CLVS1: variants seen among roughly 807,000 people sequenced by gnomAD.
CLVS1 encodes the protein clavesin 1.
In CLVS1, 10 loss-of-function variants were observed where a neutral mutation model predicts 33.1. The observed-to-expected ratio is 0.30, with a 90% CI of 0.19 to 0.51. The LOEUF (loss-of-function observed/expected upper bound fraction) is 0.51, where lower values mean the gene tolerates loss of function less well. CLVS1 is among the 20% of genes least tolerant of loss of function. The pLI is 0.97. For missense variants in CLVS1, 343 were observed against 433.4 expected (o/e 0.79, Z 1.85); for synonymous variants, 163 against 166.1 (o/e 0.98, Z 0.14).
intron 2 of CLVS1, among the ~76,000 whole-genome samples, chr8:61,253,917 A>G (rs993339668): frequency 3.3e-5 from 5 of 152,082 alleles, no homozygotes; most frequent in African/African-American, 1.2e-4. Flanking sequence ...TCTTCTCTCA[A>G]CTCGTCAAAG....
At chr8:61,116,847 G>A (rs951420366) in intron 1 of CLVS1, among the ~76,000 whole-genome samples, 8 of 137,528 alleles carry the variant, frequency 5.8e-5, no homozygotes, top group African/African-American at 8.7e-5. Flanking sequence ...TTGACTTGGC[G>A]ATGCGGGCTC....
chr8:61,276,413 A>G (rs1309879070), intron 2 of CLVS1, among the ~76,000 whole-genome samples: 1 of 152,196 alleles, frequency 6.6e-6, no homozygotes, highest in Non-Finnish European at 1.5e-5. Context: ...GGTGTATATG[A>G]GTTAGAAAGA....
At chr8:61,339,209 A>AG (rs1387030773) in intron 2 of CLVS1, among the ~76,000 whole-genome samples, 3 of 152,068 alleles carry the variant, frequency 2.0e-5, no homozygotes, top group Non-Finnish European at 2.9e-5. Flanking sequence ...AAGAGGAAAC[A>AG]GGAGAAGCAT....
At chr8:61,009,206 T>A in the CLVS1 span, among the ~76,000 whole-genome samples, 2 of 152,108 alleles carry the variant, frequency 1.3e-5, no homozygotes, top group Non-Finnish European at 2.9e-5. Context: ...AGTCTCATTC[T>A]GTTGTATAGC....
intron 3 of CLVS1, among the ~76,000 whole-genome samples, chr8:61,448,976 C>G (rs73685042): frequency 0.02 from 3,035 of 151,420 alleles, 95 homozygotes; most frequent in African/African-American, 0.069. Context: ...TTTTTAAAAT[C>G]TGGACATTTC....
intron 2 of CLVS1, among the ~76,000 whole-genome samples, chr8:61,337,297 T>C (rs1811842172): frequency 6.6e-6 from 1 of 152,218 alleles, no homozygotes; most frequent in Non-Finnish European, 1.5e-5. Context: ...ATAATTTCCC[T>C]GTGAGGTAGT....
chr8:61,407,360 A>G (rs568049253), intron 3 of CLVS1, among the ~76,000 whole-genome samples: 142 of 152,404 alleles, frequency 9.3e-4, no homozygotes, highest in African/African-American at 3.1e-3. Context: ...CTCATTAAAA[A>G]GCACAGATAT....
chr8:61,213,531 G>A (rs2931335), intron 2 of CLVS1, among the ~76,000 whole-genome samples: 94,573 of 149,816 alleles, frequency 0.63, 32,374 homozygotes, highest in East Asian at 0.97. Flanking sequence ...CCCCAGATTA[G>A]TACTTTTATA....
intron 2 of CLVS1, among the ~76,000 whole-genome samples, chr8:61,233,892 C>T (rs958214881): frequency 1.3e-4 from 20 of 152,276 alleles, no homozygotes; most frequent in African/African-American, 4.8e-4. Context: ...AATGGGAACC[C>T]AGCCTCTTGT....
At chr8:61,060,549 AC>A (rs1475037653) in intron 1 of CLVS1, among the ~76,000 whole-genome samples, 1 of 152,174 alleles carries the variant, frequency 6.6e-6, no homozygotes, top group African/African-American at 2.4e-5. Flanking sequence ...ATTAACATGA[AC>A]TGCACTTTAA....
intron 2 of CLVS1, among the ~76,000 whole-genome samples, chr8:61,366,711 G>A (rs1813225450): frequency 6.6e-6 from 1 of 152,176 alleles, no homozygotes; most frequent in South Asian, 2.1e-4. Context: ...AAAGGCAAAT[G>A]CATCAAACCC....
intron 5 of CLVS1, among the ~76,000 whole-genome samples, chr8:61,482,381 A>C (rs944263476): frequency 6.6e-6 from 1 of 152,268 alleles, no homozygotes; most frequent in Admixed American, 6.5e-5. Context: ...AGAAGGCTTC[A>C]GATAATCCAT....
At chr8:61,190,998 G>A (rs1205942006) in intron 2 of CLVS1, among the ~76,000 whole-genome samples, 1 of 152,146 alleles carries the variant, frequency 6.6e-6, no homozygotes, top group African/African-American at 2.4e-5. Flanking sequence ...AATAGAAAAA[G>A]AGGGAATCCT....
intron 2 of CLVS1, among the ~76,000 whole-genome samples, chr8:61,176,114 C>G (rs1184686401): frequency 6.6e-6 from 1 of 152,186 alleles, no homozygotes; most frequent in Non-Finnish European, 1.5e-5. Flanking sequence ...TGAAAGTGCT[C>G]TCTCATACTG....
rs60789347 is a variant in CLVS1, at chr8:61,330,923, CA to C, written c.455+30656del. ...TGGGCAACATACTGAAGCCCCATTT[CA>C]AAAAAAAAAAAAAATTAGCTAGGCA... On this transcript the variant is annotated intron_variant, in intron 2 of 5. Transcript: ENST00000325897. Among the ~76,000 whole-genome samples the C allele has an allele frequency of 0.018, 2,254 of 124,232 alleles. 87 individuals are homozygous for C. The East Asian group carries it at 0.2, about 11-fold the overall frequency. 81.5% of individuals were successfully genotyped at this position (124,232 alleles called of 152,430 possible).
At chr8:61,199,923 C>A (rs1022095148) in intron 2 of CLVS1, among the ~76,000 whole-genome samples, 1 of 152,010 alleles carries the variant, frequency 6.6e-6, no homozygotes, top group African/African-American at 2.4e-5. Context: ...AGATAAGGGA[C>A]CTTGTTGAGA....
chr8:61,041,918 T>C, the CLVS1 span, among the ~76,000 whole-genome samples: 1 of 152,162 alleles, frequency 6.6e-6, no homozygotes, highest in Non-Finnish European at 1.5e-5. Context: ...TCTGACTCTG[T>C]CATCCATACT....
At chr8:61,465,662 G>A (rs1383096161) in intron 5 of CLVS1, 1 of 151,934 alleles carries the variant, frequency 6.6e-6, no homozygotes, top group Non-Finnish European at 1.5e-5. Context: ...GTTTTTTCTT[G>A]TTGTTGTTAT....
intron 2 of CLVS1, among the ~76,000 whole-genome samples, chr8:61,255,054 C>T (rs1489670815): frequency 2.0e-5 from 3 of 152,140 alleles, no homozygotes; most frequent in African/African-American, 7.2e-5. Context: ...GCTTCACCCC[C>T]CTATTTGTGG....
Sources: gnomAD v4.1 joint callset for allele counts (sites outside exome capture counted in the v4.1 genomes callset) on GRCh38, gnomAD v4.1.1 for gene constraint, MANE v1.5 for transcripts, NCBI Gene and HGNC (gene_info 2026-07-23, HGNC 2026-07-21) for gene names.